Variants in PTPRU observed in about 807,000 individuals in gnomAD.
The protein encoded by PTPRU is protein tyrosine phosphatase receptor type U.
PTPRU carries 69 observed loss-of-function variants against 166.3 expected under a neutral mutation model. The ratio of observed to expected loss-of-function variants is 0.41; its 90% CI spans 0.34 to 0.51. The LOEUF (loss-of-function observed/expected upper bound fraction) is 0.51, where lower values mean the gene tolerates loss of function less well. Ranked by LOEUF, PTPRU falls within the 20% of genes least tolerant of loss-of-function variation. PTPRU has a pLI of 0.09. For synonymous variants in PTPRU, 793 were observed against 814.0 expected (o/e 0.97, Z 0.44); for missense variants, 1,657 against 2,013.7 (o/e 0.82, Z 3.39).
chr1:29,283,249 A>G (rs557882325), intron 12 of PTPRU, among the ~76,000 whole-genome samples: 273 of 90,840 alleles, frequency 3.0e-3, no homozygotes, highest in Admixed American at 5.0e-3. Flanking sequence ...CTTACCTCCC[A>G]TAGAGCCACC....
At chr1:29,247,708 C>A (rs534388517) in intron 1 of PTPRU, among the ~76,000 whole-genome samples, 1 of 152,344 alleles carries the variant, frequency 6.6e-6, no homozygotes, top group South Asian at 2.1e-4. Flanking sequence ...CTCATACTGC[C>A]AGTGTGGCAG....
chr1:29,287,314 C>G (rs1206627073), intron 14 of PTPRU, among the ~76,000 whole-genome samples: 1 of 152,144 alleles, frequency 6.6e-6, no homozygotes. Context: ...CATACCCCAC[C>G]CTTCTCCATG....
chr1:29,282,044 C>G (rs115646705), intron 11 of PTPRU, among the ~76,000 whole-genome samples: 1 of 152,170 alleles, frequency 6.6e-6, no homozygotes, highest in East Asian at 1.9e-4. Context: ...AGCAGGGCTC[C>G]GATTTGCTGA....
In PTPRU at chr1:29,236,746, G is replaced by A. The variant is rs1021190896; in HGVS notation, c.73+29G>A. On this transcript the variant is annotated intron_variant, in intron 1 of 29. Coordinates refer to ENST00000373779, the MANE Select transcript of PTPRU (RefSeq NM_133178.4). The surrounding 1 kb of genome is among the most constrained non-coding windows in gnomAD (Gnocchi z 4.6). ...AGCGCGCGGCGGCCGGACCGAGCCT[G>A]CCCCGCCGAGCCTCGGGGCCCGTGG... is the stretch of plus-strand genomic sequence containing the variant. 2 of 1,392,712 alleles carry A rather than the reference G, an allele frequency of 1.4e-6. No homozygotes were observed. Among genetic ancestry groups the A allele is most frequent in the South Asian group, 1.6e-5 (1 of 63,280 alleles). The allele number at this position is 1,392,712 out of a possible 1,614,324, so 86.3% of individuals were successfully genotyped here.
chr1:29,260,004 C>T lies in PTPRU; in HGVS notation c.810C>T (p.Arg270=), dbSNP rs1162903801. 1 of 1,486,096 alleles carries T rather than the reference C, an allele frequency of 6.7e-7. No individual in the cohort carries two copies. Among genetic ancestry groups the T allele is most frequent in the Non-Finnish European group, 8.9e-7 (1 of 1,126,182 alleles). The allele number at this position is 1,486,096 out of a possible 1,614,324, so 92.1% of individuals were successfully genotyped here. Residue 270 remains arginine (R), a synonymous_variant, in exon 6 of 30, where the codon CGC becomes CGT. Coordinates refer to ENST00000373779, the MANE Select transcript of PTPRU (RefSeq NM_133178.4). This position sits in a 1 kb window ranked among gnomAD's most constrained non-coding sequence, Gnocchi z 8.3. ...ACCGCTGTGTGTCCCAGGCCCCGCGCGGCGCGGGCGTCTCTAACTTCGCGG... is the reference window on the plus strand; with the variant it reads ...ACCGCTGTGTGTCCCAGGCCCCGCGTGGCGCGGGCGTCTCTAACTTCGCGG... ...DLYRCVSQAP[R]GAGVSNFAEL... is the part of the protein sequence containing the mutation.
In PTPRU at chr1:29,254,432, G is replaced by C. The variant is rs532199480; in HGVS notation, c.74-843G>C. Among the ~76,000 whole-genome samples, 142 of 152,250 alleles carry C rather than the reference G, an allele frequency of 9.3e-4. No individual in the cohort carries two copies. In the South Asian group the frequency reaches 0.028, roughly 30 times the overall value. On this transcript the variant is annotated intron_variant, in intron 1 of 29. Transcript: ENST00000373779. ...TTTCTCATTTCAACTGTTAGTACTG[G>C]TTGCAAATCATGGGAAGTTGCTTCA...
chr1:29,286,386 T>A (rs1303439347), intron 14 of PTPRU, among the ~76,000 whole-genome samples: 1 of 152,158 alleles, frequency 6.6e-6, no homozygotes, highest in Non-Finnish European at 1.5e-5. Flanking sequence ...AGAGAACATT[T>A]CCTTCTTGGA....
intron 14 of PTPRU, among the ~76,000 whole-genome samples, chr1:29,290,581 G>A (rs777320948): frequency 6.6e-6 from 1 of 152,226 alleles, no homozygotes; most frequent in Non-Finnish European, 1.5e-5. Flanking sequence ...CCTGAGGACA[G>A]TGGGTCTCTC....
At chr1:29,241,870 GGCGTGAACCACA>G (rs1684072653) in intron 1 of PTPRU, among the ~76,000 whole-genome samples, 1 of 148,764 alleles carries the variant, frequency 6.7e-6, no homozygotes, top group Non-Finnish European at 1.5e-5. Flanking sequence ...TGAGATTACA[GGCGTGAACCACA>G]GCGCACGGCC....
At chr1:29,307,025 C>G in intron 18 of PTPRU, 1 of 1,320,910 alleles carries the variant, frequency 7.6e-7, no homozygotes. Flanking sequence ...GCCCTGCTCA[C>G]ATCGCCCATT....
At position 29,282,809 on chromosome 1, in the gene PTPRU, G is replaced by A. The variant is rs1325119356; in HGVS notation, c.2002G>A (p.Glu668Lys). The change falls in exon 12 of 30, where the codon GAA becomes AAA. Residue 668 changes from glutamate to lysine, a missense_variant. Coordinates refer to ENST00000373779, the MANE Select transcript of PTPRU (RefSeq NM_133178.4). ...AGGCCTGGTGCACTACTTCGGGGCCGAACTGGCGGCCAGCAGTCTACCTGA... is the reference window on the plus strand; with the variant it reads ...AGGCCTGGTGCACTACTTCGGGGCCAAACTGGCGGCCAGCAGTCTACCTGA... Reference protein sequence around the residue: ...ARGLVHYFGAELAASSLPEAM... With the variant: ...ARGLVHYFGAKLAASSLPEAM... 6.2e-7 allele frequency: 1 copy of A among 1,614,128 alleles called. No individual in the cohort carries two copies. The highest frequency in any genetic ancestry group is 8.5e-7 in the Non-Finnish European group (1 of 1,180,010).
At chr1:29,298,900 T>C (rs748094168) in intron 15 of PTPRU, among the ~76,000 whole-genome samples, 71 of 152,166 alleles carry the variant, frequency 4.7e-4, no homozygotes, top group Admixed American at 2.5e-3. Flanking sequence ...AAGGAATAAA[T>C]GACTTAAGAA....
chr1:29,238,070 TTGAGTGTGAGCG>T lies in PTPRU; in HGVS notation c.73+1368_73+1379del, dbSNP rs151329186. 9.5e-3 allele frequency among the ~76,000 whole-genome samples: 1,438 copies of T among 151,556 alleles called. 22 individuals are homozygous for T. Among genetic ancestry groups the T allele is most frequent in the African/African-American group, 0.031 (1,304 of 41,406 alleles). ...CCGGCCGGGACCGCCAGGTGTGTGC[TTGAGTGTGAGCG>T]TGAGTGTGAGCGTGTGGCTCCGCGC... On this transcript the variant is annotated intron_variant, in intron 1 of 29. Coordinates refer to ENST00000373779, the MANE Select transcript of PTPRU (RefSeq NM_133178.4). The surrounding 1 kb of genome is among the most constrained non-coding windows in gnomAD (Gnocchi z 6.1).
In PTPRU at chr1:29,316,193, C is replaced by CTG. The variant is rs763445348; in HGVS notation, c.3513+52_3513+53dup. 14 of 1,552,770 alleles carry CTG rather than the reference C, an allele frequency of 9.0e-6. No homozygotes were observed. The East Asian group carries it at 1.8e-4, about 20-fold the overall frequency. On this transcript the variant is annotated intron_variant, in intron 24 of 29. Transcript: ENST00000373779. ...TGTGTATAGGTGTGTGTGTGTGTGT[C>CTG]TGTGTGTGTGTTGGGGCATCCTTAA...
rs1687958685 is a variant in PTPRU at position 29,317,656 on chromosome 1, T to C, written c.3514-92T>C. On this transcript the variant is annotated intron_variant, in intron 24 of 29. Coordinates refer to ENST00000373779, the MANE Select transcript of PTPRU (RefSeq NM_133178.4). This position sits in a 1 kb window ranked among gnomAD's most constrained non-coding sequence, Gnocchi z 5.6. ...CAGTTTCTCCATCCATAAAATGGGATTAGTAACTCAGTCCAGCCTCCTTCA... is the reference window on the plus strand; with the variant it reads ...CAGTTTCTCCATCCATAAAATGGGACTAGTAACTCAGTCCAGCCTCCTTCA... 4 of 1,350,874 alleles carry C rather than the reference T, an allele frequency of 3.0e-6. No individual in the cohort carries two copies. The highest frequency in any genetic ancestry group is 4.0e-6 in the Non-Finnish European group (4 of 991,640). 83.7% of individuals were successfully genotyped at this position (1,350,874 alleles called of 1,614,324 possible). A position where few individuals can be genotyped will look rare whatever the true frequency, so the allele number is the denominator to read the frequency against.
chr1:29,309,238 A>G (rs1289322637), intron 18 of PTPRU, among the ~76,000 whole-genome samples: 2 of 152,140 alleles, frequency 1.3e-5, no homozygotes, highest in African/African-American at 2.4e-5. Context: ...AGCAATATGG[A>G]CACCACCTGG....
intron 14 of PTPRU, among the ~76,000 whole-genome samples, chr1:29,287,029 G>A (rs1388168937): frequency 6.6e-6 from 1 of 152,172 alleles, no homozygotes; most frequent in Non-Finnish European, 1.5e-5. Flanking sequence ...AGCCCTGGCA[G>A]GGATGGGGGT....
rs1429281969 is a variant in PTPRU, at chr1:29,324,337, CG to C, written c.4112+552del. On this transcript the variant is annotated intron_variant, in intron 28 of 29. Coordinates refer to ENST00000373779, the MANE Select transcript of PTPRU (RefSeq NM_133178.4). ...AAGCTGGTGCGGAGCTGAGTCAGTC[CG>C]GGTCTGGCCCCCAGGGGTTTTGGTT... Among the ~76,000 whole-genome samples, 3 of 152,186 alleles carry C rather than the reference CG, an allele frequency of 2.0e-5. No individual in the cohort carries two copies. In the East Asian group the frequency reaches 5.8e-4, roughly 29 times the overall value.
At position 29,260,710 on chromosome 1, in the gene PTPRU, C is replaced by A; in HGVS notation, c.951C>A (p.Ile317=). The A allele has an allele frequency of 1.9e-6, 3 of 1,594,990 alleles. No homozygotes were observed. Among genetic ancestry groups the A allele is most frequent in the Non-Finnish European group, 2.6e-6 (3 of 1,169,436 alleles). ...ACTCCATCATTGGCGACGGGCCGAT[C>A]GTGCGCAAGGAGATTGAGTACCGCA... ...NTNSIIGDGP[I]VRKEIEYRMA... Residue 317 remains isoleucine, a synonymous_variant, in exon 7 of 30, where the codon ATC becomes ATA. Transcript: ENST00000373779. This position sits in a 1 kb window ranked among gnomAD's most constrained non-coding sequence, Gnocchi z 8.3.
Sources: allele counts gnomAD v4.1 joint callset (sites outside exome capture counted in the v4.1 genomes callset), GRCh38; gene constraint gnomAD v4.1.1; non-coding constraint Gnocchi (gnomAD v3.1); transcripts MANE v1.5; gene names NCBI Gene and HGNC (gene_info 2026-07-23, HGNC 2026-07-21).